The following WASHC2A variants were observed in gnomAD, a reference collection of about 807,000 sequenced individuals.
WASHC2A encodes WASH complex subunit FAM21A.
Under a neutral mutation model 140.3 loss-of-function variants are expected in WASHC2A, and 82 were observed. The ratio of observed to expected loss-of-function variants is 0.58; its 90% CI spans 0.49 to 0.70. The LOEUF (loss-of-function observed/expected upper bound fraction) is 0.70. WASHC2A is among the 30% of genes least tolerant of loss of function. WASHC2A has a pLI of 0.00. For synonymous variants in WASHC2A, 340 were observed against 560.8 expected, an observed-to-expected ratio of 0.61 and a Z score of 5.56; for missense variants, 985 against 1,521.8, an observed-to-expected ratio of 0.65 and a Z score of 5.87.
chr10:50,103,351 A>G (rs1213972881), intron 17 of WASHC2A, among the ~76,000 whole-genome samples: 1 of 151,802 alleles, frequency 6.6e-6, no homozygotes, highest in East Asian at 1.9e-4. Context: ...CAAGGTCAGG[A>G]GATCGAGACC....
At chr10:50,076,930 T>A (rs1424668294) in intron 3 of WASHC2A, among the ~76,000 whole-genome samples, 20 of 150,830 alleles carry the variant, frequency 1.3e-4, no homozygotes, top group African/African-American at 3.7e-4. Context: ...CTGGTTAACA[T>A]GGTGAAACCC....
rs782539661 is a variant in WASHC2A, at chr10:50,126,112, A to T, written c.2744A>T (p.Asn915Ile). 5.6e-6 allele frequency: 9 copies of T among 1,613,902 alleles called. No homozygotes were observed. The highest frequency in any genetic ancestry group is 7.6e-6 in the Non-Finnish European group (9 of 1,179,856). ...KKDHSVDSFK[N>I]QKHPESIQGS... ...GACCACTCTGTTGACTCTTTCAAAA[A>T]CCAGAAACATCCTGAATCCATTCAA... The change falls in exon 26 of 31, where the codon AAC becomes ATC. Residue 915 changes from asparagine to isoleucine, a missense_variant. Transcript: ENST00000282633.
intron 5 of WASHC2A, among the ~76,000 whole-genome samples, chr10:50,082,155 T>A (rs148182497): frequency 1.5e-4 from 23 of 149,254 alleles, no homozygotes; most frequent in African/African-American, 5.1e-4. Context: ...CTTTTTTTTT[T>A]CCCCTTGCAG....
chr10:50,103,350 G>C (rs1298212569), intron 17 of WASHC2A, among the ~76,000 whole-genome samples: 7 of 151,818 alleles, frequency 4.6e-5, no homozygotes, highest in African/African-American at 1.7e-4. Flanking sequence ...ACAAGGTCAG[G>C]AGATCGAGAC....
chr10:50,121,472 C>T (rs1843013763), intron 23 of WASHC2A, among the ~76,000 whole-genome samples: 1 of 149,270 alleles, frequency 6.7e-6, no homozygotes, highest in Non-Finnish European at 1.5e-5. Context: ...TGGCTCACTG[C>T]AACCTTTGCC....
chr10:50,110,216 C>T lies in WASHC2A; in HGVS notation c.1985C>T (p.Thr662Ile). The T allele has an allele frequency of 6.2e-7, 1 of 1,611,804 alleles. No individual in the cohort carries two copies. The highest frequency in any genetic ancestry group is 8.5e-7 in the Non-Finnish European group (1 of 1,179,826). ...CAGGAGGCCAAGGCTGTGAAAAAGA[C>T]CAGTCTCTTTGAGGAAGACGAAGAA... Reference protein sequence around the residue: ...QSQEAKAVKKTSLFEEDEEDD... With the variant: ...QSQEAKAVKKISLFEEDEEDD... Residue 662 changes from threonine (T) to isoleucine (I), a missense_variant, in exon 20 of 31, where the codon ACC becomes ATC. Thr to Ile is a moderately conservative substitution (Grantham distance 89). Coordinates refer to ENST00000282633, the MANE Select transcript of WASHC2A (RefSeq NM_001005751.3).
chr10:50,073,337 AT>A (rs562391392), intron 3 of WASHC2A, among the ~76,000 whole-genome samples: 2 of 151,884 alleles, frequency 1.3e-5, no homozygotes, highest in African/African-American at 4.8e-5. Flanking sequence ...CAAGGTTAGA[AT>A]TTTTTTTGTG....
chr10:50,079,695 AGC>A (rs1838721553), intron 4 of WASHC2A, among the ~76,000 whole-genome samples: 3 of 152,230 alleles, frequency 2.0e-5, no homozygotes, highest in Non-Finnish European at 4.4e-5. Flanking sequence ...TACTGTGCCC[AGC>A]AGGTTATTTT....
intron 17 of WASHC2A, among the ~76,000 whole-genome samples, chr10:50,100,796 G>A (rs1841053205): frequency 6.6e-6 from 1 of 152,240 alleles, no homozygotes; most frequent in South Asian, 2.1e-4. Context: ...AACAGCCTCT[G>A]GGACCCTGGT....
chr10:50,128,540 A>G (rs1843649203), intron 28 of WASHC2A, among the ~76,000 whole-genome samples: 1 of 152,254 alleles, frequency 6.6e-6, no homozygotes, highest in African/African-American at 2.4e-5. Context: ...CTGATTTCCA[A>G]GTAAGCGACA....
At chr10:50,097,967 G>C (rs2132650963) in intron 16 of WASHC2A, among the ~76,000 whole-genome samples, 165 bp downstream of exon 16, 1 of 151,878 alleles carries the variant, frequency 6.6e-6, no homozygotes, top group East Asian at 1.9e-4. Flanking sequence ...CTGCCACCCA[G>C]ATTGATCAGT....
chr10:50,068,352 G>T, intron 2 of WASHC2A, 125 bp downstream of exon 2: 7 of 1,139,544 alleles, frequency 6.1e-6, no homozygotes, highest in Non-Finnish European at 8.4e-6. Context: ...AGGAACACAC[G>T]CCCCGTTTAG....
At position 50,086,659 on chromosome 10, in the gene WASHC2A, T is replaced by C. The variant is rs1172717652; in HGVS notation, c.685-616T>C. ...CCCTTCCTGTGTCCATGTGATCTCA[T>C]TGTTCAATTCCCACCTATGAGTGAG... On this transcript the variant is annotated intron_variant, in intron 7 of 30. Coordinates refer to ENST00000282633, the MANE Select transcript of WASHC2A (RefSeq NM_001005751.3). Among the ~76,000 whole-genome samples, 7 of 132,088 alleles carry C rather than the reference T, an allele frequency of 5.3e-5. No individual in the cohort carries two copies. In the East Asian group the frequency reaches 1.6e-3, roughly 31 times the overall value. The allele number at this position is 132,088 out of a possible 152,430, so 86.7% of individuals were successfully genotyped here. A position where few individuals can be genotyped will look rare whatever the true frequency, so the allele number is the denominator to read the frequency against.
chr10:50,080,192 C>G (rs1453009852), intron 4 of WASHC2A, among the ~76,000 whole-genome samples: 43 of 152,192 alleles, frequency 2.8e-4, no homozygotes, highest in Non-Finnish European at 5.6e-4. Context: ...AACCTTTTTT[C>G]TTGAGTGGGG....
intron 6 of WASHC2A, among the ~76,000 whole-genome samples, chr10:50,084,924 T>A (rs1385765468): frequency 7.8e-6 from 1 of 128,192 alleles, no homozygotes; most frequent in Non-Finnish European, 1.6e-5. Flanking sequence ...TTAGTAGAGA[T>A]GGGGTTTTAC....
rs773892246 is a variant in WASHC2A, at chr10:50,129,495, A to T, written c.3164A>T (p.Glu1055Val). Residue 1055 changes from glutamate (E) to valine (V), a missense_variant, in exon 29 of 31, where the codon GAG becomes GTG. Physicochemically the swap from Glu to Val is moderately radical, Grantham distance 121. Coordinates refer to ENST00000282633, the MANE Select transcript of WASHC2A (RefSeq NM_001005751.3). ...CGGCTGGCTGCTCAGGAGTCCAGCGAGACTGAGGACATGAGCGTCCCCAGA... is the reference window on the plus strand; with the variant it reads ...CGGCTGGCTGCTCAGGAGTCCAGCGTGACTGAGGACATGAGCGTCCCCAGA... ...ARRLAAQESS[E>V]TEDMSVPRGP... 8.7e-6 allele frequency: 14 copies of T among 1,611,946 alleles called. No homozygotes were observed. Among genetic ancestry groups the T allele is most frequent in the Non-Finnish European group, 1.1e-5 (13 of 1,179,872 alleles).
Position 50,099,953 on chromosome 10 carries a change from ACCCCCCCCC to A in WASHC2A, c.1549-22_1549-14del. On this transcript the variant is annotated splice_polypyrimidine_tract_variant and intron_variant, in intron 16 of 30. Transcript: ENST00000282633. ...TTTTCTTTTTCTTTTTTTCTTCCCC[ACCCCCCCCC>A]CCACCCCCGACAAAGGTTACCTTAT... 3.5e-4 allele frequency: 230 copies of A among 648,216 alleles called. No individual in the cohort carries two copies. The highest frequency in any genetic ancestry group is 4.8e-4 in the Non-Finnish European group (213 of 444,670). 40.2% of individuals were successfully genotyped at this position (648,216 alleles called of 1,614,324 possible). A position where few individuals can be genotyped will look rare whatever the true frequency, so the allele number is the denominator to read the frequency against.
At chr10:50,107,434 A>G (rs71496651) in intron 19 of WASHC2A, among the ~76,000 whole-genome samples, 46,563 of 148,256 alleles carry the variant, frequency 0.31, 8,235 homozygotes, top group Non-Finnish European at 0.41. Flanking sequence ...CTGTGCAGAA[A>G]AAGACTTTAA....
intron 21 of WASHC2A, among the ~76,000 whole-genome samples, chr10:50,116,047 T>G: frequency 9.1e-6 from 1 of 110,492 alleles, no homozygotes; most frequent in Admixed American, 1.0e-4. Context: ...ACCTGAGAGA[T>G]GGATTTTGCA....
Sources: gnomAD v4.1 joint callset for allele counts (sites outside exome capture counted in the v4.1 genomes callset) on GRCh38, gnomAD v4.1.1 for gene constraint, MANE v1.5 for transcripts, NCBI Gene and HGNC (gene_info 2026-07-23, HGNC 2026-07-21) for gene names.